Variants in MAPK10 observed in about 807,000 individuals in gnomAD.
MAPK10 encodes the protein mitogen-activated protein kinase 10.
A neutral mutation model predicts 59.3 loss-of-function variants in MAPK10; 25 were observed. The ratio of observed to expected loss-of-function variants is 0.42; its 90% CI spans 0.31 to 0.59. The LOEUF is 0.59. Ranked by LOEUF, MAPK10 falls within the 20% of genes least tolerant of loss-of-function variation. The pLI, the probability that MAPK10 is intolerant of heterozygous loss-of-function variation, is 0.15. For synonymous variants in MAPK10, 190 were observed against 200.5 expected, an observed-to-expected ratio of 0.95 and a Z score of 0.44; for missense variants, 351 against 568.9, an observed-to-expected ratio of 0.62 and a Z score of 3.90.
chr4:86,098,319 G>A, intron 9 of MAPK10: 1 of 525,380 alleles, frequency 1.9e-6, no homozygotes, highest in Non-Finnish European at 2.9e-6. Context: ...GAAGAAAAAA[G>A]CCCATTGAAA....
intron 1 of MAPK10, among the ~76,000 whole-genome samples, chr4:86,522,436 G>T (rs533881054): frequency 1.3e-5 from 2 of 152,228 alleles, no homozygotes; most frequent in South Asian, 2.1e-4. Flanking sequence ...ATTTGGCAGG[G>T]CAGATAAATT....
intron 2 of MAPK10, among the ~76,000 whole-genome samples, chr4:86,350,449 C>G (rs1217591120): frequency 6.6e-6 from 1 of 152,086 alleles, no homozygotes; most frequent in Non-Finnish European, 1.5e-5. Flanking sequence ...CTCCTGACCT[C>G]GTGATCCGCC....
At chr4:86,075,107 T>C (rs892734602) in intron 9 of MAPK10, among the ~76,000 whole-genome samples, 15 of 151,172 alleles carry the variant, frequency 9.9e-5, no homozygotes, top group African/African-American at 3.2e-4. Context: ...TTATTCTTTT[T>C]TCTCTAAACT....
At chr4:86,468,833 G>A (rs1356137060) in intron 1 of MAPK10, among the ~76,000 whole-genome samples, 1 of 151,938 alleles carries the variant, frequency 6.6e-6, no homozygotes, top group Non-Finnish European at 1.5e-5. Context: ...CAGCCTGGGT[G>A]ACAGAGTGAG....
chr4:86,183,950 G>C (rs1472193102), intron 3 of MAPK10, among the ~76,000 whole-genome samples: 1 of 152,174 alleles, frequency 6.6e-6, no homozygotes, highest in Non-Finnish European at 1.5e-5. Flanking sequence ...TTTGAGAAGT[G>C]TCTGTTCATG....
chr4:86,459,055 A>T (rs1479032415), intron 1 of MAPK10, among the ~76,000 whole-genome samples: 1 of 152,206 alleles, frequency 6.6e-6, no homozygotes, highest in African/African-American at 2.4e-5. Flanking sequence ...AACTCAAACA[A>T]ATTAGCAAGA....
intron 1 of MAPK10, among the ~76,000 whole-genome samples, chr4:86,477,492 C>A (rs983555116): frequency 1.3e-5 from 2 of 152,044 alleles, no homozygotes; most frequent in African/African-American, 4.8e-5. Flanking sequence ...GTATAAGATA[C>A]CTCTACTCTC....
chr4:86,291,043 T>C (rs1009721376), intron 2 of MAPK10, among the ~76,000 whole-genome samples: 7 of 152,180 alleles, frequency 4.6e-5, no homozygotes, highest in Non-Finnish European at 8.8e-5. Context: ...AAAGCTATAA[T>C]ACAGCATGGT....
rs536271565 is a variant in MAPK10, at chr4:86,075,912, T to A, written c.803-7957A>T. The stretch of plus-strand genomic sequence containing the variant: ...GCAGGCAGGCCTCCTTGAGCTGTGG[T>A]GGGCTCCACCCAGTTCGAGTTTCCA... On this transcript the variant is annotated intron_variant, in intron 9 of 13. Transcript: ENST00000641462. Among the ~76,000 whole-genome samples the A allele has an allele frequency of 2.0e-5, 3 of 152,254 alleles. No individual in the cohort carries two copies. In the East Asian group the frequency reaches 5.8e-4, roughly 29 times the overall value.
At chr4:86,487,358 A>AGTGT (rs1231783501) in intron 1 of MAPK10, among the ~76,000 whole-genome samples, 3 of 38,448 alleles carry the variant, frequency 7.8e-5, no homozygotes, top group African/African-American at 2.4e-4. Flanking sequence ...AAAGAGAGAG[A>AGTGT]GAGAGTGTGT....
intron 1 of MAPK10, among the ~76,000 whole-genome samples, chr4:86,403,849 C>T (rs1744032905): frequency 6.6e-6 from 1 of 152,118 alleles, no homozygotes; most frequent in Admixed American, 6.5e-5. Context: ...GACACGTAGG[C>T]ATTACAACCG....
intron 4 of MAPK10, among the ~76,000 whole-genome samples, chr4:86,144,354 C>A (rs1466783945): frequency 6.6e-6 from 1 of 151,846 alleles, no homozygotes; most frequent in Non-Finnish European, 1.5e-5. Context: ...AATAATAATA[C>A]CTACATCATA....
At chr4:86,435,499 C>CA (rs376580978) in intron 1 of MAPK10, among the ~76,000 whole-genome samples, 198 of 146,218 alleles carry the variant, frequency 1.4e-3, no homozygotes, top group African/African-American at 4.8e-3. Flanking sequence ...CGCCATCTCA[C>CA]AAAAAAAAAG....
chr4:86,093,576 C>T (rs12502902), intron 9 of MAPK10, among the ~76,000 whole-genome samples: 72,527 of 151,626 alleles, frequency 0.48, 18,751 homozygotes, highest in African/African-American at 0.68. Context: ...TCTAAAAGAC[C>T]ACTGATATAC....
At chr4:86,162,592 G>T (rs2070167502) in intron 3 of MAPK10, among the ~76,000 whole-genome samples, 1 of 151,922 alleles carries the variant, frequency 6.6e-6, no homozygotes, top group Non-Finnish European at 1.5e-5. Flanking sequence ...TTCTCTTTAT[G>T]GCCTTCCTCT....
rs1419873260 is a variant in MAPK10, at chr4:86,017,667, G to A, written c.1253-297C>T. The stretch of plus-strand genomic sequence containing the variant: ...TCACATTGCCTCCCCTGCCCCCACT[G>A]CACTGCATATATTTTAATATAATTG... On this transcript the variant is annotated intron_variant, in intron 13 of 13. Coordinates refer to ENST00000641462, the MANE Select transcript of MAPK10 (RefSeq NM_138982.4). This position sits in a 1 kb window ranked among gnomAD's most constrained non-coding sequence, Gnocchi z 4.4. Among the ~76,000 whole-genome samples, 4 of 152,128 alleles carry A rather than the reference G, an allele frequency of 2.6e-5. No individual in the cohort carries two copies. Among genetic ancestry groups the A allele is most frequent in the Non-Finnish European group, 4.4e-5 (3 of 68,036 alleles).
intron 2 of MAPK10, among the ~76,000 whole-genome samples, chr4:86,269,800 C>T (rs2094374791): frequency 6.6e-6 from 1 of 152,050 alleles, no homozygotes; most frequent in African/African-American, 2.4e-5. Context: ...GTCACTATGA[C>T]AACAAATTCA....
intron 11 of MAPK10, among the ~76,000 whole-genome samples, chr4:86,050,127 A>G (rs1000703119): frequency 1.4e-4 from 21 of 151,818 alleles, no homozygotes; most frequent in African/African-American, 4.8e-4. Flanking sequence ...TTCCACCTCC[A>G]TTTCACTTGG....
At chr4:86,241,115 G>A (rs1353432602) in intron 2 of MAPK10, among the ~76,000 whole-genome samples, 3 of 152,182 alleles carry the variant, frequency 2.0e-5, no homozygotes, top group African/African-American at 4.8e-5. Context: ...GGCTGGATAT[G>A]AAATTCTGGG....
Sources: allele counts gnomAD v4.1 joint callset (sites outside exome capture counted in the v4.1 genomes callset), GRCh38; gene constraint gnomAD v4.1.1; non-coding constraint Gnocchi (gnomAD v3.1); transcripts MANE v1.5; gene names NCBI Gene and HGNC (gene_info 2026-07-23, HGNC 2026-07-21).